The following SRRM3 variants were observed in gnomAD, a reference collection of about 807,000 sequenced individuals.
SRRM3 encodes the protein serine/arginine repetitive matrix 3.
Under a neutral mutation model 66.2 loss-of-function variants are expected in SRRM3, and 27 were observed. The observed-to-expected ratio is 0.41, with a 90% CI of 0.30 to 0.56. SRRM3 has a LOEUF of 0.56. SRRM3 is among the 20% of genes least tolerant of loss of function. The pLI is 0.32. For synonymous variants in SRRM3, 391 were observed against 414.9 expected (o/e 0.94, Z 0.70); for missense variants, 918 against 991.9 (o/e 0.93, Z 1.00).
intron 2 of SRRM3, among the ~76,000 whole-genome samples, chr7:76,240,110 G>T (rs1347555122): frequency 1.3e-5 from 2 of 152,028 alleles, no homozygotes; most frequent in Non-Finnish European, 2.9e-5. Context: ...AGATTGTAGT[G>T]AGCTGAGATC....
At position 76,259,802 on chromosome 7, in the gene SRRM3, A is replaced by G. The variant is rs1583918266; in HGVS notation, c.336-104A>G. ...CCCCTCGCCCCTCCCCCAGCCGGGT[A>G]GCAGCCCGCAGACTTGCGGGGCTAG... On this transcript the variant is annotated intron_variant, in intron 3 of 14. Transcript: ENST00000611745. 7 of 1,542,654 alleles carry G rather than the reference A, an allele frequency of 4.5e-6. No homozygotes were observed. In the East Asian group the frequency reaches 9.2e-5, roughly 20 times the overall value.
At chr7:76,271,331 G>T (rs1802207898) in intron 11 of SRRM3, among the ~76,000 whole-genome samples, 1 of 152,098 alleles carries the variant, frequency 6.6e-6, no homozygotes, top group African/African-American at 2.4e-5. Context: ...TTTTTAATCA[G>T]CCAGGCATGG....
intron 1 of SRRM3, among the ~76,000 whole-genome samples, chr7:76,213,994 G>A (rs538844869): frequency 6.6e-6 from 1 of 151,910 alleles, no homozygotes. Context: ...GCCCAGGCTG[G>A]TCTTGAACTC....
chr7:76,242,408 C>T (rs773249667), intron 2 of SRRM3, among the ~76,000 whole-genome samples: 55 of 151,600 alleles, frequency 3.6e-4, no homozygotes, highest in Non-Finnish European at 6.8e-4. Flanking sequence ...TCGCTTGAAC[C>T]GGGGAGATGG....
intron 3 of SRRM3, 128 bp downstream of exon 3, chr7:76,248,417 G>A (rs1255185130): frequency 1.5e-6 from 1 of 657,450 alleles, no homozygotes; most frequent in Admixed American, 2.5e-5. Context: ...AGAGGAAGAA[G>A]ATAAGGAGAA....
chr7:76,220,178 A>C (rs1554603028), intron 1 of SRRM3, among the ~76,000 whole-genome samples: 5 of 152,194 alleles, frequency 3.3e-5, no homozygotes. Context: ...CTAGGGATAC[A>C]GATGTGGATT....
At chr7:76,266,870 G>A (rs550177479) in intron 10 of SRRM3, among the ~76,000 whole-genome samples, 6 of 151,320 alleles carry the variant, frequency 4.0e-5, no homozygotes, top group African/African-American at 1.5e-4. Flanking sequence ...ATGGGATTTC[G>A]CCATTTCGAA....
intron 11 of SRRM3, among the ~76,000 whole-genome samples, chr7:76,276,204 C>G (rs927139088): frequency 2.0e-5 from 3 of 152,170 alleles, no homozygotes; most frequent in Non-Finnish European, 2.9e-5. Context: ...CTGATTCACT[C>G]ACTCACTCAC....
At chr7:76,282,566 G>T in intron 12 of SRRM3, 82 bp from the exon 13 acceptor site, 99 of 338,592 alleles carry the variant, frequency 2.9e-4, no homozygotes, top group Non-Finnish European at 3.2e-4. Flanking sequence ...TCCGCCCTAA[G>T]CCCCGCCCCA....
chr7:76,276,468 A>T (rs1216620548), intron 11 of SRRM3, among the ~76,000 whole-genome samples: 2 of 152,138 alleles, frequency 1.3e-5, no homozygotes, highest in Non-Finnish European at 2.9e-5. Context: ...ACCAGGTTCT[A>T]TGGGATCATA....
intron 11 of SRRM3, among the ~76,000 whole-genome samples, chr7:76,270,951 G>A (rs1186474429): frequency 6.6e-6 from 1 of 150,924 alleles, no homozygotes; most frequent in African/African-American, 2.4e-5. Context: ...CTCCAGCCTG[G>A]ATGACAAGAG....
In SRRM3 at chr7:76,285,365, C is replaced by T. The variant is rs10229727; in HGVS notation, c.1734-250C>T. The T allele has an allele frequency of 3.4e-4, 178 of 530,990 alleles. No individual in the cohort carries two copies. Among genetic ancestry groups the T allele is most frequent in the African/African-American group, 3.1e-3 (161 of 52,324 alleles). The allele number at this position is 530,990 out of a possible 1,614,324, so 32.9% of individuals were successfully genotyped here. On this transcript the variant is annotated intron_variant, in intron 14 of 14. Transcript: ENST00000611745. The surrounding 1 kb of genome is among the most constrained non-coding windows in gnomAD (Gnocchi z 4.1). The stretch of plus-strand genomic sequence containing the variant: ...AGGCGTGAGCCACCGCGCCCAGCCT[C>T]AACAAGTATTTATTAGCAGGTGTTC...
intron 2 of SRRM3, among the ~76,000 whole-genome samples, chr7:76,246,533 C>T (rs1801446047): frequency 6.6e-6 from 1 of 151,874 alleles, no homozygotes; most frequent in Admixed American, 6.6e-5. Context: ...CACTGCACTC[C>T]AGGCCAGGCG....
intron 1 of SRRM3, among the ~76,000 whole-genome samples, chr7:76,232,488 C>T (rs1341841328): frequency 1.3e-5 from 2 of 152,020 alleles, no homozygotes; most frequent in Non-Finnish European, 2.9e-5. Flanking sequence ...GGGAGAATCA[C>T]TTGAACCCAG....
At chr7:76,259,263 G>A (rs1186442339) in intron 3 of SRRM3, among the ~76,000 whole-genome samples, 1 of 151,920 alleles carries the variant, frequency 6.6e-6, no homozygotes, top group African/African-American at 2.4e-5. Context: ...AAGAAGAGGA[G>A]CCTCATCTAA....
chr7:76,265,507 G>A (rs782747394), intron 10 of SRRM3, 39 bp downstream of exon 10: 3 of 1,539,432 alleles, frequency 1.9e-6, no homozygotes, highest in Non-Finnish European at 1.8e-6. Flanking sequence ...CCTGGTGGGG[G>A]ATGAGGGTTG....
chr7:76,284,910 C>A (rs1802617925), intron 14 of SRRM3, among the ~76,000 whole-genome samples: 1 of 152,130 alleles, frequency 6.6e-6, no homozygotes, highest in South Asian at 2.1e-4. Context: ...GCCAGGACTC[C>A]CCTCCTTGTT....
chr7:76,233,699 A>G (rs905322503), intron 1 of SRRM3, among the ~76,000 whole-genome samples: 15 of 152,284 alleles, frequency 9.9e-5, no homozygotes, highest in African/African-American at 3.4e-4. Flanking sequence ...TCCCAGGAAC[A>G]GGTGGAAATC....
intron 3 of SRRM3, among the ~76,000 whole-genome samples, chr7:76,259,154 GA>G (rs1377491686): frequency 6.6e-6 from 1 of 150,514 alleles, no homozygotes. Context: ...GGGGTTCCCA[GA>G]ATAGGACAGT....
Sources: allele counts gnomAD v4.1 joint callset (sites outside exome capture counted in the v4.1 genomes callset), GRCh38; gene constraint gnomAD v4.1.1; non-coding constraint Gnocchi (gnomAD v3.1); transcripts MANE v1.5; gene names NCBI Gene and HGNC (gene_info 2026-07-23, HGNC 2026-07-21).